Variants in STAU1 observed in about 807,000 individuals in gnomAD.
The protein encoded by STAU1 is double-stranded RNA-binding protein Staufen homolog 1.
Under a neutral mutation model 62.9 loss-of-function variants are expected in STAU1, and 13 were observed. The ratio of observed to expected loss-of-function variants is 0.21; its 90% confidence interval spans 0.13 to 0.33. The LOEUF is 0.33. Ranked by LOEUF, STAU1 falls within the 10% of genes least tolerant of loss-of-function variation. The pLI is 1.00. For synonymous variants in STAU1, 269 were observed against 265.1 expected, an observed-to-expected ratio of 1.01 and a Z score of -0.14; for missense variants, 571 against 712.1, an observed-to-expected ratio of 0.80 and a Z score of 2.25.
At chr20:49,177,364 T>C (rs1422723046) in intron 1 of STAU1, among the ~76,000 whole-genome samples, 2 of 151,910 alleles carry the variant, frequency 1.3e-5, no homozygotes, top group Admixed American at 6.6e-5. Context: ...GGCAAGACCC[T>C]GTCTCTATTA....
chr20:49,126,338 G>A lies in STAU1; in HGVS notation c.610-1751C>T, dbSNP rs560331838. Among the ~76,000 whole-genome samples the A allele has an allele frequency of 2.0e-5, 3 of 151,778 alleles. No homozygotes were observed. In the East Asian group the frequency reaches 5.8e-4, roughly 29 times the overall value. ...ACGCTCTGGGAGGCCAGGGTGGGAGGATCACTTGAGCTCAGAAGTTCAAGA... is the reference window on the plus strand; with the variant it reads ...ACGCTCTGGGAGGCCAGGGTGGGAGAATCACTTGAGCTCAGAAGTTCAAGA... On this transcript the variant is annotated intron_variant, in intron 6 of 13. Transcript: ENST00000371856.
chr20:49,147,388 T>C (rs1312717791), intron 5 of STAU1, among the ~76,000 whole-genome samples: 1 of 152,244 alleles, frequency 6.6e-6, no homozygotes, highest in African/African-American at 2.4e-5. Context: ...CTGGCTTTAC[T>C]GCATATCTTC....
chr20:49,180,816 A>G (rs914141620), intron 1 of STAU1, among the ~76,000 whole-genome samples: 4 of 152,230 alleles, frequency 2.6e-5, no homozygotes, highest in African/African-American at 9.6e-5. Flanking sequence ...CTATTACTTA[A>G]CCAGACTTTC....
chr20:49,132,249 G>A (rs1447768460), intron 6 of STAU1, among the ~76,000 whole-genome samples: 5 of 152,102 alleles, frequency 3.3e-5, no homozygotes, highest in Admixed American at 2.0e-4. Flanking sequence ...TTAGACTTTG[G>A]AGGGACAGGT....
chr20:49,142,008 G>A (rs150139224), intron 5 of STAU1, among the ~76,000 whole-genome samples: 1 of 152,056 alleles, frequency 6.6e-6, no homozygotes, highest in Non-Finnish European at 1.5e-5. Flanking sequence ...AGGGTCACTT[G>A]AGGCCTGGAG....
At chr20:49,120,546 C>A (rs1054122442) in intron 8 of STAU1, among the ~76,000 whole-genome samples, 1 of 152,148 alleles carries the variant, frequency 6.6e-6, no homozygotes, top group Non-Finnish European at 1.5e-5. Flanking sequence ...ATTTATACCA[C>A]AGAAATATAC....
At chr20:49,193,624 T>C in the STAU1 span, among the ~76,000 whole-genome samples, 1 of 151,568 alleles carries the variant, frequency 6.6e-6, no homozygotes, top group South Asian at 2.1e-4. Context: ...TGAGCCAATA[T>C]CATACCACTG....
Position 49,114,893 on chromosome 20 carries a change from C to A in STAU1, c.1719G>T (p.Val573=). The A allele has an allele frequency of 6.2e-7, 1 of 1,613,252 alleles. No homozygotes were observed. The highest frequency in any genetic ancestry group is 8.5e-7 in the Non-Finnish European group (1 of 1,179,518). The stretch of plus-strand genomic sequence containing the variant: ...CAGAAAAGGTTCAGCACCTCCCACA[C>A]CTTTAAGGAAGAAAAATGAAAATGA... ...MPRTGNGPMS[V]CGRC Residue 573 remains valine, a splice_region_variant and synonymous_variant, in exon 14 of 14, where the codon GTG becomes GTT. Coordinates refer to ENST00000371856, the MANE Select transcript of STAU1 (RefSeq NM_017453.4).
chr20:49,194,444 AAAAGAAAAG>A, the STAU1 span, among the ~76,000 whole-genome samples: 1 of 148,846 alleles, frequency 6.7e-6, no homozygotes. Context: ...AAAAAAAAAA[AAAAGAAAAG>A]AAAAAGAAAA....
intron 2 of STAU1, among the ~76,000 whole-genome samples, chr20:49,166,649 T>C (rs1031274161): frequency 2.0e-5 from 3 of 152,166 alleles, no homozygotes; most frequent in Non-Finnish European, 4.4e-5. Context: ...TGGGGCACAG[T>C]AAGGTTTCTT....
intron 1 of STAU1, among the ~76,000 whole-genome samples, chr20:49,179,989 T>G (rs969000838): frequency 6.6e-6 from 1 of 152,214 alleles, no homozygotes; most frequent in African/African-American, 2.4e-5. Context: ...CAGATTTAAT[T>G]TCACTGATCC....
chr20:49,119,607 C>T (rs557847700), intron 9 of STAU1, among the ~76,000 whole-genome samples: 1 of 152,308 alleles, frequency 6.6e-6, no homozygotes, highest in African/African-American at 2.4e-5. Context: ...CCACAATTAA[C>T]GAAAGCCTAA....
At chr20:49,192,034 G>A (rs374955678), upstream of STAU1, among the ~76,000 whole-genome samples, 5 of 151,888 alleles carry the variant, frequency 3.3e-5, no homozygotes, top group East Asian at 3.9e-4. Context: ...CTAGGCAAGA[G>A]AGCGAGACTC....
At chr20:49,169,376 T>A (rs2146430819) in intron 2 of STAU1, among the ~76,000 whole-genome samples, 1 of 152,342 alleles carries the variant, frequency 6.6e-6, no homozygotes, top group East Asian at 1.9e-4. Context: ...AATTAAGTTT[T>A]TCATTACTGA....
At chr20:49,171,804 C>T (rs1354001632) in intron 2 of STAU1, among the ~76,000 whole-genome samples, 1 of 151,614 alleles carries the variant, frequency 6.6e-6, no homozygotes, top group East Asian at 1.9e-4. Context: ...GGATCATTTC[C>T]AAAATGACCG....
chr20:49,155,855 A>C (rs904177585), intron 3 of STAU1, among the ~76,000 whole-genome samples: 4 of 152,264 alleles, frequency 2.6e-5, no homozygotes, highest in African/African-American at 7.2e-5. Flanking sequence ...AGAAATCAAA[A>C]GTAACAAGAA....
the STAU1 span, among the ~76,000 whole-genome samples, chr20:49,203,064 A>G: frequency 6.6e-6 from 1 of 152,140 alleles, no homozygotes; most frequent in Non-Finnish European, 1.5e-5. Context: ...AAGGAAAAAG[A>G]AATTAGAATA....
At chr20:49,158,825 C>T (rs1306611984) in intron 3 of STAU1, 3 of 685,598 alleles carry the variant, frequency 4.4e-6, no homozygotes, top group African/African-American at 1.9e-5. Flanking sequence ...AAAAGCCGGG[C>T]GCGGTGGCTC....
At chr20:49,199,717 C>T in the STAU1 span, among the ~76,000 whole-genome samples, 25 of 151,116 alleles carry the variant, frequency 1.7e-4, no homozygotes, top group Admixed American at 1.3e-3. Flanking sequence ...GGATTACAGG[C>T]GCCTGCCACC....
Sources: allele counts gnomAD v4.1 joint callset (sites outside exome capture counted in the v4.1 genomes callset), GRCh38; gene constraint gnomAD v4.1.1; transcripts MANE v1.5; gene names NCBI Gene and HGNC (gene_info 2026-07-23, HGNC 2026-07-21).